SYNE1: variants seen among roughly 807,000 people sequenced by gnomAD.
The protein encoded by SYNE1 is spectrin repeat containing nuclear envelope protein 1, also known as nesprin-1.
A neutral mutation model predicts 1,111.0 loss-of-function variants in SYNE1; 616 were observed. The observed-to-expected ratio is 0.55, with a 90% CI of 0.52 to 0.59. The LOEUF (loss-of-function observed/expected upper bound fraction) is 0.59, where lower values mean the gene tolerates loss of function less well. Among genes scored for constraint, SYNE1 ranks in the 20% least tolerant of loss-of-function variants. SYNE1 has a pLI of 0.00. For synonymous variants in SYNE1, 3,855 were observed against 3,825.8 expected (o/e 1.01, Z -0.28); for missense variants, 10,006 against 10,417.0 (o/e 0.96, Z 1.72).
intron 3 of SYNE1, among the ~76,000 whole-genome samples, chr6:152,577,109 GTT>G (rs1270692586): frequency 1.3e-5 from 2 of 152,194 alleles, no homozygotes; most frequent in African/African-American, 4.8e-5. Flanking sequence ...CTAATAAAGT[GTT>G]TTTGTTCTTG....
chr6:152,497,402 G>T (rs1439204559), intron 11 of SYNE1, among the ~76,000 whole-genome samples: 1 of 152,180 alleles, frequency 6.6e-6, no homozygotes, highest in Non-Finnish European at 1.5e-5. Flanking sequence ...CTCATGCCCA[G>T]AAAAGCATTG....
At chr6:152,480,955 G>C (rs1564350643) in intron 14 of SYNE1, among the ~76,000 whole-genome samples, 1 of 151,950 alleles carries the variant, frequency 6.6e-6, no homozygotes, top group Non-Finnish European at 1.5e-5. Context: ...GTTGGCACAG[G>C]GTGTCTCTCT....
In SYNE1 at chr6:152,438,163, T is replaced by C. The variant is rs376591722; in HGVS notation, c.4150-2062A>G. ...GCTAATGTCACAACATTAAATTCTTTGGATAAAAGCACCCACTGTTACTAT... is the reference window on the plus strand; with the variant it reads ...GCTAATGTCACAACATTAAATTCTTCGGATAAAAGCACCCACTGTTACTAT... On this transcript the variant is annotated intron_variant, in intron 32 of 145. Transcript: ENST00000367255. Among the ~76,000 whole-genome samples, 786 of 152,356 alleles carry C rather than the reference T, an allele frequency of 5.2e-3. 4 individuals carry two copies. Among genetic ancestry groups the C allele is most frequent in the Non-Finnish European group, 8.4e-3 (574 of 68,026 alleles).
chr6:152,385,902 C>T, intron 54 of SYNE1, 64 bp from the exon 55 acceptor site: 1 of 1,523,714 alleles, frequency 6.6e-7, no homozygotes. Context: ...TCAGGTAAGA[C>T]AACAGGCCTG....
Position 152,133,284 on chromosome 6 carries a change from T to A in SYNE1, c.25993A>T (p.Ser8665Cys). 6.2e-7 allele frequency: 1 copy of A among 1,614,176 alleles called. No individual in the cohort carries two copies. The highest frequency in any genetic ancestry group is 8.5e-7 in the Non-Finnish European group (1 of 1,179,996). Residue 8665 changes from serine (S) to cysteine (C), a missense_variant, in exon 143 of 146, where the codon AGT (serine) becomes TGT (cysteine). By Grantham distance (112) the Ser-to-Cys change is moderately radical. Coordinates refer to ENST00000367255, the MANE Select transcript of SYNE1 (RefSeq NM_182961.4). ...GTCTGTTTATTGCTTACCTGCTGAC[T>A]ACTTGACACGTCTAATAACTTCTCC... ...ELEKLLDVSSSQQDLSSWSSA... is the reference protein window; with the variant it reads ...ELEKLLDVSSCQQDLSSWSSA...
At chr6:152,363,542 T>TAA (rs2096987941) in intron 63 of SYNE1, among the ~76,000 whole-genome samples, 6 of 147,774 alleles carry the variant, frequency 4.1e-5, no homozygotes, top group Non-Finnish European at 6.0e-5. Flanking sequence ...AATAAATAAA[T>TAA]ATAAAAATAA....
intron 137 of SYNE1, chr6:152,145,040 A>C (rs530464957): frequency 7.9e-5 from 16 of 202,268 alleles, no homozygotes; most frequent in Admixed American, 5.3e-4. Context: ...TGAGATGAGG[A>C]GGATAAAGTG....
At chr6:152,503,078 G>GA (rs1478325752) in intron 9 of SYNE1, among the ~76,000 whole-genome samples, 2 of 152,062 alleles carry the variant, frequency 1.3e-5, no homozygotes, top group African/African-American at 4.8e-5. Context: ...TCTCATACTA[G>GA]TTCTATTCAT....
intron 101 of SYNE1, among the ~76,000 whole-genome samples, chr6:152,258,749 CTTT>C (rs66714244): frequency 1.4e-5 from 2 of 144,350 alleles, no homozygotes; most frequent in Admixed American, 6.9e-5. Flanking sequence ...TTTTCTTCTT[CTTT>C]TTTTTTTTTT....
chr6:152,457,954 A>C (rs1390520186), intron 22 of SYNE1, among the ~76,000 whole-genome samples: 1 of 150,506 alleles, frequency 6.6e-6, no homozygotes, highest in African/African-American at 2.4e-5. Flanking sequence ...TTTTATATAA[A>C]TATCCTCTCT....
intron 117 of SYNE1, 41 bp downstream of exon 117, chr6:152,224,453 A>G (rs765260881): frequency 1.0e-5 from 16 of 1,591,058 alleles, no homozygotes; most frequent in Non-Finnish European, 1.4e-5. Flanking sequence ...GTTTTCTAAA[A>G]TTAAAATGAA....
intron 3 of SYNE1, among the ~76,000 whole-genome samples, chr6:152,591,256 A>G (rs2099562860): frequency 1.3e-5 from 2 of 152,274 alleles, no homozygotes; most frequent in South Asian, 4.1e-4. Context: ...CCATCTTTAA[A>G]CTATACTATA....
At chr6:152,522,183 T>C (rs1184133700) in intron 5 of SYNE1, among the ~76,000 whole-genome samples, 1 of 151,998 alleles carries the variant, frequency 6.6e-6, no homozygotes, top group African/African-American at 2.4e-5. Flanking sequence ...TCACTCAACA[T>C]TTAGTTTTTG....
chr6:152,417,943 C>T (rs2098189506), intron 40 of SYNE1, among the ~76,000 whole-genome samples: 1 of 152,042 alleles, frequency 6.6e-6, no homozygotes, highest in Admixed American at 6.6e-5. Context: ...TTATGCAAGA[C>T]TTCTGTATAG....
In SYNE1 at chr6:152,389,737, T is replaced by C. The variant is rs184533391; in HGVS notation, c.8177+543A>G. On this transcript the variant is annotated intron_variant, in intron 53 of 145. Coordinates refer to ENST00000367255, the MANE Select transcript of SYNE1 (RefSeq NM_182961.4). ...TTCTGGATGGACTGACTCTTGGTTG[T>C]GGGAGAATGTTCCACACTTTGTAGG... 1.3e-3 allele frequency among the ~76,000 whole-genome samples: 203 copies of C among 152,316 alleles called. 1 individual carries two copies. Among genetic ancestry groups the C allele is most frequent in the Middle Eastern group, 3.4e-3 (1 of 294 alleles).
chr6:152,191,837 GTTAT>G (rs1316205914), intron 127 of SYNE1, among the ~76,000 whole-genome samples: 3 of 151,280 alleles, frequency 2.0e-5, no homozygotes, highest in African/African-American at 7.3e-5. Context: ...GCATTGTTAG[GTTAT>G]TTATTTGAAG....
At chr6:152,479,209 C>G (rs1215640902) in intron 14 of SYNE1, among the ~76,000 whole-genome samples, 1 of 152,038 alleles carries the variant, frequency 6.6e-6, no homozygotes, top group Non-Finnish European at 1.5e-5. Context: ...GGTCAAGAAC[C>G]TGAGAGGTCA....
At chr6:152,205,263 T>C (rs1563487094) in intron 126 of SYNE1, among the ~76,000 whole-genome samples, 2 of 152,232 alleles carry the variant, frequency 1.3e-5, no homozygotes, top group African/African-American at 4.8e-5. Flanking sequence ...TATCAACATA[T>C]ACAGGACCAT....
At chr6:152,156,745 A>C (rs1326909842) in intron 131 of SYNE1, among the ~76,000 whole-genome samples, 1 of 152,198 alleles carries the variant, frequency 6.6e-6, no homozygotes, top group Non-Finnish European at 1.5e-5. Flanking sequence ...GGAATCCACC[A>C]GTGTAGAACC....
Sources: allele counts gnomAD v4.1 joint callset (sites outside exome capture counted in the v4.1 genomes callset), GRCh38; gene constraint gnomAD v4.1.1; transcripts MANE v1.5; gene names NCBI Gene and HGNC (gene_info 2026-07-23, HGNC 2026-07-21).